Variants in PIAS1 observed in about 807,000 individuals in gnomAD.
The protein encoded by PIAS1 is E3 SUMO-protein ligase PIAS1.
PIAS1 carries 6 observed loss-of-function variants against 71.3 expected under a neutral mutation model. The observed-to-expected ratio is 0.08, with a 90% confidence interval of 0.05 to 0.17. The LOEUF is 0.17. Ranked by LOEUF, PIAS1 falls within the 10% of genes least tolerant of loss-of-function variation. PIAS1 has a pLI of 1.00. For missense variants in PIAS1, 555 were observed against 793.6 expected (o/e 0.70, Z 3.61); for synonymous variants, 303 against 292.9 (o/e 1.03, Z -0.35).
At chr15:68,130,357 T>G (rs1406263990) in intron 2 of PIAS1, among the ~76,000 whole-genome samples, 1 of 151,930 alleles carries the variant, frequency 6.6e-6, no homozygotes, top group Non-Finnish European at 1.5e-5. Flanking sequence ...AGCAATACAT[T>G]TACACAGTTA....
chr15:68,112,079 G>C (rs2092527499), intron 2 of PIAS1, among the ~76,000 whole-genome samples: 1 of 152,038 alleles, frequency 6.6e-6, no homozygotes, highest in Non-Finnish European at 1.5e-5. Flanking sequence ...AACTTATAAA[G>C]GCTTCCACCA....
At chr15:68,075,626 A>G (rs953466181) in intron 1 of PIAS1, among the ~76,000 whole-genome samples, 4 of 152,178 alleles carry the variant, frequency 2.6e-5, no homozygotes, top group African/African-American at 9.7e-5. Context: ...CATTCTGTGT[A>G]GAAAAGAAAG....
intron 11 of PIAS1, among the ~76,000 whole-genome samples, chr15:68,177,401 C>T (rs2093027330): frequency 1.3e-5 from 2 of 152,012 alleles, no homozygotes; most frequent in Non-Finnish European, 2.9e-5. Context: ...GTAAAATTCA[C>T]CCCAAGTTGA....
At chr15:68,060,513 T>C (rs1378589300) in intron 1 of PIAS1, among the ~76,000 whole-genome samples, 2 of 151,520 alleles carry the variant, frequency 1.3e-5, no homozygotes, top group Admixed American at 6.6e-5. Flanking sequence ...CTCAGGAGGC[T>C]GAGGCAGGAG....
rs141542693 is a variant in PIAS1, at chr15:68,067,398, A to G, written c.24+13048A>G. Among the ~76,000 whole-genome samples, 3 of 151,376 alleles carry G rather than the reference A, an allele frequency of 2.0e-5. No homozygotes were observed. In the East Asian group the frequency reaches 5.8e-4, roughly 29 times the overall value. On this transcript the variant is annotated intron_variant, in intron 1 of 13. Transcript: ENST00000249636. ...GTTACCACTGCATTGCCTGCTTTTC[A>G]TCATCAAAAAGTTTGTTGAAATTTC... is the stretch of plus-strand genomic sequence containing the variant.
chr15:68,146,472 T>G (rs1471114064), intron 5 of PIAS1, 94 bp from the exon 6 acceptor site: 1 of 792,770 alleles, frequency 1.3e-6, no homozygotes, highest in Non-Finnish European at 2.0e-6. Context: ...TCATATTTTC[T>G]AGTATGCAGT....
intron 1 of PIAS1, among the ~76,000 whole-genome samples, chr15:68,065,638 A>G (rs1221119577): frequency 1.3e-5 from 2 of 151,442 alleles, no homozygotes; most frequent in African/African-American, 4.8e-5. Context: ...CTTACAAGGC[A>G]GTTTGCTAAG....
At chr15:68,183,338 G>C (rs1023933675) in intron 12 of PIAS1, among the ~76,000 whole-genome samples, 7 of 152,196 alleles carry the variant, frequency 4.6e-5, no homozygotes, top group African/African-American at 1.7e-4. Flanking sequence ...CAGAGCATTT[G>C]TTAAAAGTAC....
chr15:68,180,055 T>C (rs75769302), intron 11 of PIAS1, among the ~76,000 whole-genome samples: 5,240 of 152,228 alleles, frequency 0.034, 213 homozygotes, highest in African/African-American at 0.099. Context: ...TGTTTCCTTC[T>C]AAGAGGGCTA....
intron 2 of PIAS1, among the ~76,000 whole-genome samples, chr15:68,137,524 A>G (rs1051608991): frequency 1.3e-5 from 2 of 152,272 alleles, no homozygotes; most frequent in Non-Finnish European, 1.5e-5. Context: ...AGTGTAATGC[A>G]AGGCTGCACT....
At chr15:68,143,913 CTAAAA>C (rs1474777552) in intron 4 of PIAS1, among the ~76,000 whole-genome samples, 2 of 151,958 alleles carry the variant, frequency 1.3e-5, no homozygotes, top group Admixed American at 1.3e-4. Flanking sequence ...GGTCCCAAGA[CTAAAA>C]TAAAGTTTAA....
rs2093107659 is a variant in PIAS1 at position 68,189,322 on chromosome 15, G to A, written c.*1487G>A. 6.6e-6 allele frequency: 1 copy of A among 152,166 alleles called. No homozygotes were observed. Among genetic ancestry groups the A allele is most frequent in the African/African-American group, 2.4e-5 (1 of 41,440 alleles). The allele number at this position is 152,166 out of a possible 1,614,324, so 9.4% of individuals were successfully genotyped here. ...ATTTTTTAGTTGATTGAGAATGCAG[G>A]TTTAACAGAAGAGATAAGGGGCATA... On this transcript the variant is annotated 3_prime_UTR_variant, in exon 14 of 14. Coordinates refer to ENST00000249636, the MANE Select transcript of PIAS1 (RefSeq NM_016166.3).
chr15:68,142,767 C>T (rs2092780934), intron 4 of PIAS1, among the ~76,000 whole-genome samples: 1 of 151,950 alleles, frequency 6.6e-6, no homozygotes, highest in Non-Finnish European at 1.5e-5. Flanking sequence ...AAGCATGGGC[C>T]TTATCTCCAT....
intron 1 of PIAS1, chr15:68,055,143 C>G: frequency 1.0e-6 from 1 of 957,376 alleles, no homozygotes; most frequent in Non-Finnish European, 1.2e-6. Context: ...TACCTCTCTC[C>G]CTTCTTTTGC....
intron 4 of PIAS1, among the ~76,000 whole-genome samples, chr15:68,143,271 A>G (rs1401088417): frequency 6.6e-6 from 1 of 152,096 alleles, no homozygotes; most frequent in East Asian, 1.9e-4. Flanking sequence ...ATCAGATACT[A>G]AGTTGTATGT....
chr15:68,089,405 A>G (rs181840376), intron 2 of PIAS1, among the ~76,000 whole-genome samples: 43 of 152,174 alleles, frequency 2.8e-4, no homozygotes, highest in Admixed American at 5.9e-4. Context: ...CATTATCTCA[A>G]TTCTGTTTGT....
At chr15:68,056,561 A>G (rs968285265) in intron 1 of PIAS1, among the ~76,000 whole-genome samples, 1 of 151,918 alleles carries the variant, frequency 6.6e-6, no homozygotes, top group Non-Finnish European at 1.5e-5. Context: ...AATTTTTCAA[A>G]TTATAATAAC....
chr15:68,156,191 A>G (rs1038399318), intron 7 of PIAS1, among the ~76,000 whole-genome samples: 1 of 152,242 alleles, frequency 6.6e-6, no homozygotes, highest in African/African-American at 2.4e-5. Context: ...CTGGTAAGAA[A>G]GACAGGCATT....
intron 1 of PIAS1, among the ~76,000 whole-genome samples, chr15:68,065,736 CTTTTTTTTTT>C (rs35947814): frequency 2.0e-5 from 2 of 99,572 alleles, no homozygotes; most frequent in Non-Finnish European, 3.9e-5. Flanking sequence ...GCTTGAAGTA[CTTTTTTTTTT>C]TTTTTTTTTT....
Sources: gnomAD v4.1 joint callset for allele counts (sites outside exome capture counted in the v4.1 genomes callset) on GRCh38, gnomAD v4.1.1 for gene constraint, MANE v1.5 for transcripts, NCBI Gene and HGNC (gene_info 2026-07-23, HGNC 2026-07-21) for gene names.